STARD9: variants seen among roughly 807,000 people sequenced by gnomAD.
STARD9 encodes StAR related lipid transfer domain containing 9.
A neutral mutation model predicts 399.8 loss-of-function variants in STARD9; 346 were observed. That is an observed-to-expected ratio of 0.87 (90% CI 0.79 to 0.95). The LOEUF (loss-of-function observed/expected upper bound fraction) is 0.95, where lower values mean the gene tolerates loss of function less well. Ranked by LOEUF, STARD9 falls within the 40% of genes least tolerant of loss-of-function variation. STARD9 has a pLI of 0.00. For missense variants in STARD9, 5,832 were observed against 5,667.5 expected (o/e 1.03, Z -0.93); for synonymous variants, 2,203 against 2,143.5 (o/e 1.03, Z -0.77).
Position 42,688,205 on chromosome 15 carries a change from T to G in STARD9, c.6627T>G (p.Ala2209=). The part of the protein sequence containing the change: ...HPQRMKALAR[A]LPLQPRLERS... ...AGAGAATGAAAGCATTGGCTAGAGC[T>G]CTGCCATTGCAACCCAGGCTAGAGA... Residue 2209 remains alanine, a synonymous_variant, in exon 23 of 33, where the codon GCT becomes GCG. Transcript: ENST00000290607. The G allele has an allele frequency of 6.5e-7, 1 of 1,537,424 alleles. No individual in the cohort carries two copies. The highest frequency in any genetic ancestry group is 2.0e-5 in the Admixed American group (1 of 51,004).
At chr15:42,717,953 T>A (rs1281334439) in intron 29 of STARD9, 24 bp from the exon 30 acceptor site, 1 of 1,536,302 alleles carries the variant, frequency 6.5e-7, no homozygotes, top group East Asian at 2.4e-5. Flanking sequence ...CTTTCTATTT[T>A]CTGTGCTTGG....
chr15:42,670,025 T>G (rs2060175308), intron 16 of STARD9: 1 of 152,074 alleles, frequency 6.6e-6, no homozygotes, highest in Admixed American at 6.5e-5. Flanking sequence ...CGCTCCAGCC[T>G]GGGTGACAAA....
At chr15:42,577,147 T>G (rs1273439862) in intron 1 of STARD9, among the ~76,000 whole-genome samples, 1 of 152,076 alleles carries the variant, frequency 6.6e-6, no homozygotes, top group African/African-American at 2.4e-5. Flanking sequence ...CACTAGGAAT[T>G]TCTTTCTTTT....
rs1297471534 is a variant in STARD9 at position 42,675,706 on chromosome 15, A to T, written c.1730A>T (p.Asn577Ile). The T allele has an allele frequency of 6.5e-7, 1 of 1,537,204 alleles. No homozygotes were observed. The highest frequency in any genetic ancestry group is 1.4e-5 in the African/African-American group (1 of 73,164). The change falls in exon 19 of 33, where the codon AAC becomes ATC. Residue 577 changes from asparagine to isoleucine, a missense_variant. Around this residue, in one of 2 missense-constraint regions of STARD9, gnomAD observed 5,828 missense variants for 5,651.1 expected, o/e 1.03. Transcript: ENST00000290607. Reference protein sequence around the residue: ...TLGKAQKFRFNHPAEAAVLRQ... With the variant: ...TLGKAQKFRFIHPAEAAVLRQ... Reference sequence around the variant, plus strand: ...GGGAAGGCACAGAAGTTCCGATTCAACCACCCAGCAGAGGCTGCTGTCCTG... The same window carrying T: ...GGGAAGGCACAGAAGTTCCGATTCATCCACCCAGCAGAGGCTGCTGTCCTG...
rs546401478 is a variant in STARD9 at position 42,650,880 on chromosome 15, G to A, written c.560-136G>A. ...TATTTCTTGATTTAATTTATTATCT[G>A]AATGAATTTGGCCAGATTCCCTCAT... is the stretch of plus-strand genomic sequence containing the variant. On this transcript the variant is annotated intron_variant, in intron 7 of 32. Transcript: ENST00000290607. 2.1e-5 allele frequency: 11 copies of A among 527,990 alleles called. No individual in the cohort carries two copies. The South Asian group carries it at 2.6e-4, about 12-fold the overall frequency. The allele number at this position is 527,990 out of a possible 1,614,324, so 32.7% of individuals were successfully genotyped here. A position where few individuals can be genotyped will look rare whatever the true frequency, so the allele number is the denominator to read the frequency against.
intron 26 of STARD9, among the ~76,000 whole-genome samples, chr15:42,705,103 C>A (rs536798634): frequency 6.6e-6 from 1 of 152,150 alleles, no homozygotes; most frequent in Non-Finnish European, 1.5e-5. Flanking sequence ...TTTTCTGGTT[C>A]TGTGTATTAC....
intron 3 of STARD9, among the ~76,000 whole-genome samples, chr15:42,627,570 A>T (rs1023688468): frequency 6.6e-6 from 1 of 152,168 alleles, no homozygotes; most frequent in Non-Finnish European, 1.5e-5. Flanking sequence ...TTTTGTACCC[A>T]TTAACCATCC....
At chr15:42,597,194 T>A (rs1332743319) in intron 3 of STARD9, among the ~76,000 whole-genome samples, 1 of 152,118 alleles carries the variant, frequency 6.6e-6, no homozygotes, top group Non-Finnish European at 1.5e-5. Flanking sequence ...TTCCCCAGCC[T>A]AAGCAGTCCT....
intron 26 of STARD9, among the ~76,000 whole-genome samples, chr15:42,709,469 G>A (rs1178925732): frequency 2.0e-5 from 3 of 152,136 alleles, no homozygotes; most frequent in Non-Finnish European, 4.4e-5. Context: ...GGCGGATCAC[G>A]AGGTCAGGAG....
intron 3 of STARD9, among the ~76,000 whole-genome samples, chr15:42,626,363 CTCTTCT>C (rs1279816428): frequency 2.1e-5 from 3 of 142,382 alleles, no homozygotes; most frequent in Non-Finnish European, 4.5e-5. Flanking sequence ...CTTCCTCTTC[CTCTTCT>C]TCCTCCTCTT....
intron 4 of STARD9, among the ~76,000 whole-genome samples, chr15:42,637,089 A>AG (rs889823383): frequency 1.6e-4 from 24 of 151,460 alleles, no homozygotes; most frequent in Admixed American, 5.9e-4. Flanking sequence ...TAAAAAAAAA[A>AG]AAAGAAATTG....
chr15:42,718,359 G>A (rs965690110), intron 30 of STARD9, 76 bp from the exon 31 acceptor site: 21 of 1,329,200 alleles, frequency 1.6e-5, no homozygotes, highest in Non-Finnish European at 1.7e-5. Flanking sequence ...TTGGGGGGAG[G>A]GCTCCCTGAC....
rs1386624315 is a variant in STARD9 at position 42,669,176 on chromosome 15, G to C, written c.1336G>C (p.Asp446His). ...TCTGCAGATAGACCAGCTGACTAAA[G>C]ACTGGACCCAGAAGTGGAATGATTG... ...NELKIDQLTK[D>H]WTQKWNDWQA... The change falls in exon 16 of 33, where the codon GAC becomes CAC. Residue 446 changes from aspartate to histidine, a missense_variant. This residue lies in a region of STARD9 where 5,828 missense variants were observed against 5,651.1 expected (regional missense o/e 1.03). Transcript: ENST00000290607. The C allele has an allele frequency of 6.5e-7, 1 of 1,535,192 alleles. No individual in the cohort carries two copies. Among genetic ancestry groups the C allele is most frequent in the Non-Finnish European group, 8.7e-7 (1 of 1,145,224 alleles).
chr15:42,691,234 C>T lies in STARD9; in HGVS notation c.9656C>T (p.Ala3219Val). Residue 3219 changes from alanine to valine, a missense_variant, in exon 23 of 33, where the codon GCT becomes GTT. Coordinates refer to ENST00000290607, the MANE Select transcript of STARD9 (RefSeq NM_020759.3). The part of the protein sequence containing the change: ...WQEEEQHRDQ[A>V]SGGGEGFAQG... ...GAAGAAGAGCAGCACAGAGACCAGGCTTCAGGTGGTGGAGAAGGCTTCGCC... is the reference window on the plus strand; with the variant it reads ...GAAGAAGAGCAGCACAGAGACCAGGTTTCAGGTGGTGGAGAAGGCTTCGCC... The T allele has an allele frequency of 6.5e-7, 1 of 1,537,264 alleles. No individual in the cohort carries two copies. The highest frequency in any genetic ancestry group is 8.7e-7 in the Non-Finnish European group (1 of 1,146,910).
chr15:42,686,769 C>G lies in STARD9; in HGVS notation c.5191C>G (p.Pro1731Ala). The change falls in exon 23 of 33, where the codon CCC becomes GCC. Residue 1731 changes from proline to alanine, a missense_variant. By Grantham distance (27) the Pro-to-Ala change is conservative. This residue lies in a region of STARD9 where 5,828 missense variants were observed against 5,651.1 expected (regional missense o/e 1.03). Transcript: ENST00000290607. Reference sequence around the variant, plus strand: ...TCCAGAGCTATACCTTCACTCTGCTCCCTGGAATCCATTGTCATCTTCCCT... The same window carrying G: ...TCCAGAGCTATACCTTCACTCTGCTGCCTGGAATCCATTGTCATCTTCCCT... ...SGPELYLHSA[P>A]WNPLSSSLQP... 6.5e-7 allele frequency: 1 copy of G among 1,537,416 alleles called. No homozygotes were observed. The highest frequency in any genetic ancestry group is 8.7e-7 in the Non-Finnish European group (1 of 1,146,950).
Position 42,688,129 on chromosome 15 carries a change from T to C in STARD9, c.6551T>C (p.Leu2184Ser), listed in dbSNP as rs2060606644. Reference protein sequence around the residue: ...DRPARDICDSLGKHTTCREFT... With the variant: ...DRPARDICDSSGKHTTCREFT... ...CCTGCCAGGGATATTTGTGATTCTT[T>C]AGGGAAACACACAACTTGCAGAGAG... The change falls in exon 23 of 33, where the codon TTA (leucine) becomes TCA (serine). Residue 2184 changes from leucine (L) to serine (S), a missense_variant. By Grantham distance (145) the Leu-to-Ser change is moderately radical. Coordinates refer to ENST00000290607, the MANE Select transcript of STARD9 (RefSeq NM_020759.3). 6.5e-7 allele frequency: 1 copy of C among 1,537,332 alleles called. No homozygotes were observed.
chr15:42,633,057 G>C (rs570207538), intron 3 of STARD9, among the ~76,000 whole-genome samples: 3 of 150,266 alleles, frequency 2.0e-5, no homozygotes, highest in Admixed American at 2.0e-4. Context: ...TAGGGAGATC[G>C]TTTGAGCCCA....
chr15:42,654,727 T>C (rs1311023834), intron 9 of STARD9, among the ~76,000 whole-genome samples: 1 of 148,430 alleles, frequency 6.7e-6, no homozygotes, highest in African/African-American at 2.5e-5. Context: ...ACCAAGGAGG[T>C]GAAAGACCTG....
intron 22 of STARD9, among the ~76,000 whole-genome samples, chr15:42,682,988 G>C (rs1189675027): frequency 3.3e-5 from 5 of 152,138 alleles, no homozygotes; most frequent in Admixed American, 3.3e-4. Context: ...GCCACATCAA[G>C]TGAGCTTTCT....
Sources: gnomAD v4.1 joint callset for allele counts (sites outside exome capture counted in the v4.1 genomes callset) on GRCh38, gnomAD v4.1.1 for gene constraint, gnomAD v4.1.1 regional missense constraint, MANE v1.5 for transcripts, NCBI Gene and HGNC (gene_info 2026-07-23, HGNC 2026-07-21) for gene names.